Variants in IPCEF1 observed in about 807,000 individuals in gnomAD.
The protein encoded by IPCEF1 is interaction protein for cytohesin exchange factors 1.
In IPCEF1, 31 loss-of-function variants were observed where a neutral mutation model predicts 50.9. That is an observed-to-expected ratio of 0.61 (90% CI 0.46 to 0.82). IPCEF1 has a LOEUF of 0.82. Ranked by LOEUF, IPCEF1 falls within the 40% of genes least tolerant of loss-of-function variation. The pLI is 0.00. For synonymous variants in IPCEF1, 181 were observed against 192.0 expected, an observed-to-expected ratio of 0.94 and a Z score of 0.47; for missense variants, 458 against 514.0, an observed-to-expected ratio of 0.89 and a Z score of 1.05.
At chr6:154,186,717 T>C (rs9384185) in intron 10 of IPCEF1, among the ~76,000 whole-genome samples, 103,955 of 151,302 alleles carry the variant, frequency 0.69, 36,594 homozygotes, top group East Asian at 0.89. Context: ...CCATCACGCC[T>C]GGCTAATTTT....
chr6:154,335,488 T>C (rs373631434), intron 1 of IPCEF1, among the ~76,000 whole-genome samples: 1 of 152,094 alleles, frequency 6.6e-6, no homozygotes, highest in Non-Finnish European at 1.5e-5. Context: ...CCATACAGTA[T>C]CAATATAAGA....
intron 8 of IPCEF1, 124 bp from the exon 9 acceptor site, chr6:154,212,979 A>G: frequency 1.4e-6 from 1 of 701,704 alleles, no homozygotes; most frequent in Non-Finnish European, 2.5e-6. Flanking sequence ...GTTCATATCT[A>G]ATGAACTACC....
Position 154,200,155 on chromosome 6 carries a change from T to A in IPCEF1, c.538-115A>T, listed in dbSNP as rs976144985. The A allele has an allele frequency of 4.3e-6, 4 of 928,932 alleles. No individual in the cohort carries two copies. The African/African-American group carries it at 5.0e-5, about 12-fold the overall frequency. The allele number at this position is 928,932 out of a possible 1,614,324, so 57.5% of individuals were successfully genotyped here. On this transcript the variant is annotated intron_variant, in intron 9 of 11. Transcript: ENST00000367220. ...CCGTGTTATTTCAAAAAGTGACCAA[T>A]AATAAAAGAGTCAAAAGGTAAAGAT...
chr6:154,180,875 A>G (rs552539249), intron 10 of IPCEF1, among the ~76,000 whole-genome samples: 1 of 152,306 alleles, frequency 6.6e-6, no homozygotes, highest in East Asian at 1.9e-4. Context: ...CCAACATGCA[A>G]CACTTGGAAA....
At chr6:154,175,991 A>G (rs1490416784) in intron 10 of IPCEF1, among the ~76,000 whole-genome samples, 1 of 152,234 alleles carries the variant, frequency 6.6e-6, no homozygotes, top group Non-Finnish European at 1.5e-5. Context: ...AGTCGGCTTC[A>G]TCCCTGGGAT....
chr6:154,160,364 C>T (rs756156417), intron 11 of IPCEF1, among the ~76,000 whole-genome samples: 50 of 152,302 alleles, frequency 3.3e-4, no homozygotes, highest in Non-Finnish European at 4.1e-4. Flanking sequence ...ATCATGCCTC[C>T]TAAAACTTAC....
At chr6:154,269,695 C>A (rs1315928848) in intron 2 of IPCEF1, among the ~76,000 whole-genome samples, 1 of 152,072 alleles carries the variant, frequency 6.6e-6, no homozygotes. Flanking sequence ...TAAAATGATT[C>A]AAAAATAATT....
chr6:154,355,323 GAA>G (rs781465305), intron 1 of IPCEF1, among the ~76,000 whole-genome samples: 1 of 152,058 alleles, frequency 6.6e-6, no homozygotes, highest in African/African-American at 2.4e-5. Flanking sequence ...ACCCACTCCA[GAA>G]AAGACACTTG....
In IPCEF1 at chr6:154,155,424, G is replaced by GC; in HGVS notation, c.*4403dup. ...ATTCTTGTTAGACTGAAGAAGAAAT[G>GC]CCCCCTAAAACTATGTGGATATGGC... On this transcript the variant is annotated 3_prime_UTR_variant, in exon 12 of 12. Coordinates refer to ENST00000367220, the MANE Select transcript of IPCEF1 (RefSeq NM_001130700.2). 1 of 152,318 alleles carries GC rather than the reference G, an allele frequency of 6.6e-6. No individual in the cohort carries two copies. The highest frequency in any genetic ancestry group is 2.1e-4 in the South Asian group (1 of 4,824). The allele number at this position is 152,318 out of a possible 1,614,324, so 9.4% of individuals were successfully genotyped here.
Position 154,159,709 on chromosome 6 carries a change from G to A in IPCEF1, c.*119C>T. On this transcript the variant is annotated 3_prime_UTR_variant, in exon 12 of 12. Coordinates refer to ENST00000367220, the MANE Select transcript of IPCEF1 (RefSeq NM_001130700.2). ...TCATCTAACGTGCATCTTTAGATGGGAAGCTGATGCTTGAAGGACTGGGTT... is the reference window on the plus strand; with the variant it reads ...TCATCTAACGTGCATCTTTAGATGGAAAGCTGATGCTTGAAGGACTGGGTT... 1.4e-6 allele frequency: 1 copy of A among 738,194 alleles called. No homozygotes were observed. The highest frequency in any genetic ancestry group is 2.3e-6 in the Non-Finnish European group (1 of 437,450). The allele number at this position is 738,194 out of a possible 1,614,324, so 45.7% of individuals were successfully genotyped here.
chr6:154,269,102 T>C (rs1327063232), intron 2 of IPCEF1, among the ~76,000 whole-genome samples: 1 of 152,176 alleles, frequency 6.6e-6, no homozygotes, highest in African/African-American at 2.4e-5. Flanking sequence ...GTGTCCTCAG[T>C]CTCTGTAGGC....
At chr6:154,178,123 AGACTGGGGC>A (rs1800508009) in intron 10 of IPCEF1, among the ~76,000 whole-genome samples, 1 of 129,276 alleles carries the variant, frequency 7.7e-6, no homozygotes, top group Non-Finnish European at 1.6e-5. Flanking sequence ...GGAACATCAC[AGACTGGGGC>A]CTGTTGGTGG....
At chr6:154,271,025 T>C (rs991415576) in intron 2 of IPCEF1, among the ~76,000 whole-genome samples, 1 of 151,860 alleles carries the variant, frequency 6.6e-6, no homozygotes, top group Non-Finnish European at 1.5e-5. Flanking sequence ...TTAGCTTAAA[T>C]GTATGATAGA....
intron 10 of IPCEF1, among the ~76,000 whole-genome samples, chr6:154,190,819 T>C (rs1182198627): frequency 6.6e-6 from 1 of 152,176 alleles, no homozygotes; most frequent in East Asian, 1.9e-4. Flanking sequence ...TGGAATATTA[T>C]TCAATGATTA....
intron 7 of IPCEF1, among the ~76,000 whole-genome samples, chr6:154,219,813 T>C (rs976308181): frequency 1.3e-5 from 2 of 152,210 alleles, no homozygotes; most frequent in African/African-American, 4.8e-5. Context: ...AAGCTTTGTT[T>C]GGAAGACTCA....
At chr6:154,172,785 T>C (rs1363049624) in intron 10 of IPCEF1, among the ~76,000 whole-genome samples, 2 of 152,248 alleles carry the variant, frequency 1.3e-5, no homozygotes, top group Non-Finnish European at 2.9e-5. Context: ...TGTCCTTGCC[T>C]GACAGCTCTG....
At chr6:154,201,617 A>G (rs183942724) in intron 9 of IPCEF1, among the ~76,000 whole-genome samples, 53 of 152,292 alleles carry the variant, frequency 3.5e-4, no homozygotes, top group African/African-American at 1.3e-3. Flanking sequence ...AAGGAAGGCC[A>G]GGCGCGGTGG....
chr6:154,307,372 C>G (rs1287016242), intron 1 of IPCEF1, among the ~76,000 whole-genome samples: 2 of 152,196 alleles, frequency 1.3e-5, no homozygotes, highest in Non-Finnish European at 2.9e-5. Context: ...CTTGCTCCTC[C>G]TTGCCTTCCG....
At chr6:154,223,782 C>T (rs1336863816) in intron 5 of IPCEF1, among the ~76,000 whole-genome samples, 2 of 152,340 alleles carry the variant, frequency 1.3e-5, no homozygotes, top group East Asian at 3.9e-4. Flanking sequence ...ACTCAACAAA[C>T]ATTATTTCCT....
Sources: allele counts gnomAD v4.1 joint callset (sites outside exome capture counted in the v4.1 genomes callset), GRCh38; gene constraint gnomAD v4.1.1; transcripts MANE v1.5; gene names NCBI Gene and HGNC (gene_info 2026-07-23, HGNC 2026-07-21).